Variants in OR2L8 observed in about 807,000 individuals in gnomAD.
OR2L8 encodes olfactory receptor 2L8.
For synonymous variants in OR2L8, 123 were observed against 138.6 expected (o/e 0.89, Z 0.79); for missense variants, 324 against 376.0 (o/e 0.86, Z 1.14).
chr1:247,948,959 C>T lies in OR2L8; in HGVS notation c.102C>T (p.Phe34=), dbSNP rs1257084961. 6.2e-7 allele frequency: 1 copy of T among 1,613,780 alleles called. No homozygotes were observed. Among genetic ancestry groups the T allele is most frequent in the Admixed American group, 1.7e-5 (1 of 59,986 alleles). ...TCTTCATTCTCATTGTTTTCATTTT[C>T]CTGATGGCTCTAATTGGAAACCTGT... ...LFFFILIVFI[F]LMALIGNLSM... is the part of the protein sequence containing the mutation. The change falls in exon 1 of 1, where the codon TTC becomes TTT. Residue 34 remains phenylalanine (F), a synonymous_variant. Transcript: ENST00000623922.
chr1:247,949,146 G>A lies in OR2L8; in HGVS notation c.289G>A (p.Gly97Arg), dbSNP rs374677724. 3 of 1,613,958 alleles carry A rather than the reference G, an allele frequency of 1.9e-6. No homozygotes were observed. Among genetic ancestry groups the A allele is most frequent in the African/African-American group, 2.7e-5 (2 of 74,926 alleles). The change falls in exon 1 of 1, where the codon GGG (glycine) becomes AGG (arginine). Residue 97 changes from glycine (G) to arginine (R), a missense_variant. By Grantham distance (125) the Gly-to-Arg change is moderately radical (BLOSUM62 -2). Coordinates refer to ENST00000623922, the MANE Select transcript of OR2L8 (RefSeq NM_001001963.1). ...CAAGTCTATCTCCTTCACTGGGTGT[G>A]GGATTCAGAGTTTCTTCTTCTTGGC... ...GNKSISFTGC[G>R]IQSFFFLALG...
chr1:247,949,442 G>C lies in OR2L8; in HGVS notation c.585G>C (p.Glu195Asp), dbSNP rs769407935. 2 of 1,592,832 alleles carry C rather than the reference G, an allele frequency of 1.3e-6. No homozygotes were observed. Among genetic ancestry groups the C allele is most frequent in the South Asian group, 1.1e-5 (1 of 90,446 alleles). ...TLACMDTWVY[E>D]GTVFLSATIF... is the part of the protein sequence containing the mutation. ...CCTGCATGGACACCTGGGTCTATGA[G>C]GGCACAGTGTTTTTGAGTGCCACCA... Residue 195 changes from glutamate to aspartate, a missense_variant, in exon 1 of 1, where the codon GAG becomes GAC. Coordinates refer to ENST00000623922, the MANE Select transcript of OR2L8 (RefSeq NM_001001963.1).
Position 247,949,271 on chromosome 1 carries a change from A to T in OR2L8, c.414A>T (p.Arg138Ser), listed in dbSNP as rs538688995. ...PLHYLIRMSK[R>S]VCVLMITGSW... ...ACTATCTCATCCGCATGAGCAAAAGAGTGTGTGTGCTGATGATAACAGGGT... is the reference window on the plus strand; with the variant it reads ...ACTATCTCATCCGCATGAGCAAAAGTGTGTGTGTGCTGATGATAACAGGGT... Residue 138 changes from arginine to serine, a missense_variant, in exon 1 of 1, where the codon AGA becomes AGT. Coordinates refer to ENST00000623922, the MANE Select transcript of OR2L8 (RefSeq NM_001001963.1). 126 of 1,614,152 alleles carry T rather than the reference A, an allele frequency of 7.8e-5. 5 individuals are homozygous for T. In the South Asian group the frequency reaches 1.4e-3, roughly 18 times the overall value.
In OR2L8 at chr1:247,949,673, T is replaced by C; in HGVS notation, c.816T>C (p.Val272=). Residue 272 remains valine (V), a synonymous_variant, in exon 1 of 1, where the codon GTT becomes GTC. Coordinates refer to ENST00000623922, the MANE Select transcript of OR2L8 (RefSeq NM_001001963.1). ...RSLRSPTEDK[V]LAVFYTILTP... ...TGCGATCTCCAACAGAGGACAAGGT[T>C]CTGGCTGTCTTCTACACCATCCTCA... 6.2e-7 allele frequency: 1 copy of C among 1,613,910 alleles called. No individual in the cohort carries two copies. The highest frequency in any genetic ancestry group is 8.5e-7 in the Non-Finnish European group (1 of 1,179,834).
chr1:247,949,295 G>A lies in OR2L8; in HGVS notation c.438G>A (p.Gly146=), dbSNP rs572493363. ...GAGTGTGTGTGCTGATGATAACAGG[G>A]TCTTGGATCATAGGCTCGATCAATG... ...SKRVCVLMIT[G]SWIIGSINAC... is the part of the protein sequence containing the mutation. Residue 146 remains glycine (G), a synonymous_variant, in exon 1 of 1, where the codon GGG becomes GGA. Transcript: ENST00000623922. 3.0e-5 allele frequency: 49 copies of A among 1,613,810 alleles called. 1 individual carries two copies. The highest frequency in any genetic ancestry group is 2.7e-4 in the South Asian group (25 of 91,062).
rs775960119 is a variant in OR2L8, at chr1:247,949,457, G to A, written c.600G>A (p.Leu200=). The stretch of plus-strand genomic sequence containing the variant: ...GGGTCTATGAGGGCACAGTGTTTTT[G>A]AGTGCCACCATCTTTCTCGTGTTTC... ...DTWVYEGTVF[L]SATIFLVFPF... Residue 200 remains leucine (L), a synonymous_variant, in exon 1 of 1, where the codon TTG becomes TTA. Transcript: ENST00000623922. The A allele has an allele frequency of 3.8e-6, 6 of 1,596,510 alleles. No homozygotes were observed. The South Asian group carries it at 6.6e-5, about 18-fold the overall frequency.
At position 247,949,782 on chromosome 1, in the gene OR2L8, T is replaced by C. The variant is rs779068524; in HGVS notation, c.925T>C (p.Ser309Pro). 7 of 1,610,930 alleles carry C rather than the reference T, an allele frequency of 4.3e-6. No individual in the cohort carries two copies. In the East Asian group the frequency reaches 1.3e-4, roughly 31 times the overall value. ...GACACGAGTGAGTCAGAGAATCTGCTCTGTGAAAATGTAGAAACACTTTCT... is the reference window on the plus strand; with the variant it reads ...GACACGAGTGAGTCAGAGAATCTGCCCTGTGAAAATGTAGAAACACTTTCT... ...ALTRVSQRIC[S>P]VKM Residue 309 changes from serine to proline, a missense_variant, in exon 1 of 1, where the codon TCT becomes CCT. Coordinates refer to ENST00000623922, the MANE Select transcript of OR2L8 (RefSeq NM_001001963.1).
At position 247,949,645 on chromosome 1, in the gene OR2L8, C is replaced by A. The variant is rs1194452473; in HGVS notation, c.788C>A (p.Ser263Tyr). The A allele has an allele frequency of 6.2e-7, 1 of 1,613,798 alleles. No individual in the cohort carries two copies. The highest frequency in any genetic ancestry group is 1.7e-5 in the Admixed American group (1 of 59,968). Residue 263 changes from serine to tyrosine, a missense_variant, in exon 1 of 1, where the codon TCC becomes TAC. Ser to Tyr is a moderately radical substitution (Grantham distance 144). Transcript: ENST00000623922. The part of the protein sequence containing the change: ...PFVYTYLRPR[S>Y]LRSPTEDKVL... Reference sequence around the variant, plus strand: ...GTCTACACTTATCTACGTCCAAGATCCCTGCGATCTCCAACAGAGGACAAG... The same window carrying A: ...GTCTACACTTATCTACGTCCAAGATACCTGCGATCTCCAACAGAGGACAAG...
rs774312874 is a variant in OR2L8, at chr1:247,949,193, A to G, written c.336A>G (p.Leu112=). Reference sequence around the variant, plus strand: ...TGGCATTAGGAGGTGCAGAAGCACTACTTTTGGCATCTATGGCCTATGATC... The same window carrying G: ...TGGCATTAGGAGGTGCAGAAGCACTGCTTTTGGCATCTATGGCCTATGATC... The part of the protein sequence containing the change: ...FFLALGGAEA[L]LLASMAYDRY... Residue 112 remains leucine, a synonymous_variant, in exon 1 of 1, where the codon CTA becomes CTG. Transcript: ENST00000623922. The G allele has an allele frequency of 4.3e-6, 7 of 1,614,176 alleles. No homozygotes were observed. Among genetic ancestry groups the G allele is most frequent in the African/African-American group, 4.0e-5 (3 of 75,044 alleles).
rs1237152750 is a variant in OR2L8, at chr1:247,949,602, T to G, written c.745T>G (p.Phe249Val). Residue 249 changes from phenylalanine to valine, a missense_variant, in exon 1 of 1, where the codon TTC becomes GTC. Coordinates refer to ENST00000623922, the MANE Select transcript of OR2L8 (RefSeq NM_001001963.1). ...TCSTHLTVVT[F>V]YYAPFVYTYL... is the part of the protein sequence containing the mutation. ...CAGCACCCACCTCACTGTAGTAACT[T>G]TCTACTATGCACCTTTTGTCTACAC... 2 of 1,614,032 alleles carry G rather than the reference T, an allele frequency of 1.2e-6. No individual in the cohort carries two copies. The highest frequency in any genetic ancestry group is 1.7e-5 in the Admixed American group (1 of 60,006).
chr1:247,949,606 A>G lies in OR2L8; in HGVS notation c.749A>G (p.Tyr250Cys), dbSNP rs756755687. Reference protein sequence around the residue: ...CSTHLTVVTFYYAPFVYTYLR... With the variant: ...CSTHLTVVTFCYAPFVYTYLR... ...ACCCACCTCACTGTAGTAACTTTCT[A>G]CTATGCACCTTTTGTCTACACTTAT... is the stretch of plus-strand genomic sequence containing the variant. The change falls in exon 1 of 1, where the codon TAC (tyrosine) becomes TGC (cysteine). Residue 250 changes from tyrosine to cysteine, a missense_variant. Tyr to Cys is a radical substitution (Grantham distance 194). Transcript: ENST00000623922. The G allele has an allele frequency of 1.8e-5, 29 of 1,613,836 alleles. No individual in the cohort carries two copies. Among genetic ancestry groups the G allele is most frequent in the South Asian group, 1.1e-4 (10 of 91,078 alleles).
Position 247,949,524 on chromosome 1 carries a change from G to A in OR2L8, c.667G>A (p.Ala223Thr), listed in dbSNP as rs1386526280. Residue 223 changes from alanine to threonine, a missense_variant, in exon 1 of 1, where the codon GCT becomes ACT. By Grantham distance (58) the Ala-to-Thr change is moderately conservative (BLOSUM62 0). Transcript: ENST00000623922. ...ATGTTCCTATGGCCAGGTTCTCTTTGCTGTCTACCACATGAAATCTGCAGA... is the reference window on the plus strand; with the variant it reads ...ATGTTCCTATGGCCAGGTTCTCTTTACTGTCTACCACATGAAATCTGCAGA... ...ISCSYGQVLF[A>T]VYHMKSAEGR... 1 of 1,613,982 alleles carries A rather than the reference G, an allele frequency of 6.2e-7. No individual in the cohort carries two copies. Among genetic ancestry groups the A allele is most frequent in the South Asian group, 1.1e-5 (1 of 91,072 alleles).
Position 247,948,876 on chromosome 1 carries a change from A to ACATCAACT in OR2L8, c.20_27dup (p.Asp10HisfsTer29), listed in dbSNP as rs747463100. 50 of 1,607,860 alleles carry ACATCAACT rather than the reference A, an allele frequency of 3.1e-5. No individual in the cohort carries two copies. Among genetic ancestry groups the ACATCAACT allele is most frequent in the Non-Finnish European group, 4.1e-5 (48 of 1,176,792 alleles). On this transcript the variant is annotated frameshift_variant, in exon 1 of 1. Coordinates refer to ENST00000623922, the MANE Select transcript of OR2L8 (RefSeq NM_001001963.1). LOFTEE classifies it low-confidence loss of function (END_TRUNC). ...ATGCTCCATGGAAAATTACAATCAA[A>ACATCAACT]CATCAACTGATTTCATCTTATTGGG...
rs747220088 is a variant in OR2L8 at position 247,949,061 on chromosome 1, T to G, written c.204T>G (p.Ile68Met). ...MYFLLSQLSLIDLNYISTIVP... is the reference protein window; with the variant it reads ...MYFLLSQLSLMDLNYISTIVP... ...TCCTACTGAGTCAGCTCTCCCTCAT[T>G]GACCTAAATTACATCTCCACCATTG... is the stretch of plus-strand genomic sequence containing the variant. Residue 68 changes from isoleucine (I) to methionine (M), a missense_variant, in exon 1 of 1, where the codon ATT becomes ATG. Physicochemically the swap from Ile to Met is conservative, Grantham distance 10. Transcript: ENST00000623922. 6.2e-7 allele frequency: 1 copy of G among 1,613,958 alleles called. No individual in the cohort carries two copies. The highest frequency in any genetic ancestry group is 1.1e-5 in the South Asian group (1 of 91,080).
chr1:247,949,651 G>A lies in OR2L8; in HGVS notation c.794G>A (p.Arg265Gln), dbSNP rs146957963. ...ACTTATCTACGTCCAAGATCCCTGC[G>A]ATCTCCAACAGAGGACAAGGTTCTG... is the stretch of plus-strand genomic sequence containing the variant. ...VYTYLRPRSLRSPTEDKVLAV... is the reference protein window; with the variant it reads ...VYTYLRPRSLQSPTEDKVLAV... The change falls in exon 1 of 1, where the codon CGA (arginine) becomes CAA (glutamine). Residue 265 changes from arginine to glutamine, a missense_variant. Physicochemically the swap from Arg to Gln is conservative, Grantham distance 43 (BLOSUM62 1). Coordinates refer to ENST00000623922, the MANE Select transcript of OR2L8 (RefSeq NM_001001963.1). The A allele has an allele frequency of 1.1e-3, 1,737 of 1,613,684 alleles. 22 individuals carry two copies. In the African/African-American group the frequency reaches 0.02, roughly 18 times the overall value.
In OR2L8 at chr1:247,949,184, A is replaced by G. The variant is rs1049032853; in HGVS notation, c.327A>G (p.Ala109=). The part of the protein sequence containing the change: ...QSFFFLALGG[A]EALLLASMAY... ...TCTTCTTCTTGGCATTAGGAGGTGC[A>G]GAAGCACTACTTTTGGCATCTATGG... Residue 109 remains alanine, a synonymous_variant, in exon 1 of 1, where the codon GCA becomes GCG. Coordinates refer to ENST00000623922, the MANE Select transcript of OR2L8 (RefSeq NM_001001963.1). 1.2e-6 allele frequency: 2 copies of G among 1,614,086 alleles called. No individual in the cohort carries two copies. The highest frequency in any genetic ancestry group is 1.1e-5 in the South Asian group (1 of 91,086).
At position 247,948,920 on chromosome 1, in the gene OR2L8, A is replaced by C; in HGVS notation, c.63A>C (p.Arg21Ser). Reference sequence around the variant, plus strand: ...TATTGGGGCTGTTTCCACCATCAAGAATTGACCTTTTCTTCTTCATTCTCA... The same window carrying C: ...TATTGGGGCTGTTTCCACCATCAAGCATTGACCTTTTCTTCTTCATTCTCA... ...FILLGLFPPS[R>S]IDLFFFILIV... is the part of the protein sequence containing the mutation. The change falls in exon 1 of 1, where the codon AGA becomes AGC. Residue 21 changes from arginine (R) to serine (S), a missense_variant. Transcript: ENST00000623922. 6.2e-7 allele frequency: 1 copy of C among 1,613,724 alleles called. No homozygotes were observed. Among genetic ancestry groups the C allele is most frequent in the Non-Finnish European group, 8.5e-7 (1 of 1,179,764 alleles).
In OR2L8 at chr1:247,949,337, A is replaced by G. The variant is rs200605172; in HGVS notation, c.480A>G (p.Val160=). ...CGATCAATGCTTGTGCTCACACTGT[A>G]TATGTACTCCATATTCCTTATTGCC... ...IGSINACAHT[V]YVLHIPYCRS... Residue 160 remains valine, a synonymous_variant, in exon 1 of 1, where the codon GTA becomes GTG. Transcript: ENST00000623922. 2 of 1,614,162 alleles carry G rather than the reference A, an allele frequency of 1.2e-6. No homozygotes were observed. Among genetic ancestry groups the G allele is most frequent in the African/African-American group, 1.3e-5 (1 of 75,054 alleles).
Position 247,948,899 on chromosome 1 carries a change from G to A in OR2L8, c.42G>A (p.Leu14=). ...YNQTSTDFIL[L]GLFPPSRIDL... is the part of the protein sequence containing the mutation. ...AAACATCAACTGATTTCATCTTATTGGGGCTGTTTCCACCATCAAGAATTG... is the reference window on the plus strand; with the variant it reads ...AAACATCAACTGATTTCATCTTATTAGGGCTGTTTCCACCATCAAGAATTG... Residue 14 remains leucine (L), a synonymous_variant, in exon 1 of 1, where the codon TTG becomes TTA. Coordinates refer to ENST00000623922, the MANE Select transcript of OR2L8 (RefSeq NM_001001963.1). 6.2e-7 allele frequency: 1 copy of A among 1,612,778 alleles called. No homozygotes were observed. Among genetic ancestry groups the A allele is most frequent in the Non-Finnish European group, 8.5e-7 (1 of 1,179,340 alleles).
Sources: gnomAD v4.1 joint callset for allele counts on GRCh38, gnomAD v4.1.1 for gene constraint, MANE v1.5 for transcripts, NCBI Gene and HGNC (gene_info 2026-07-23, HGNC 2026-07-21) for gene names.